TDRP: variants seen among roughly 807,000 people sequenced by gnomAD.
TDRP encodes the protein testis development-related protein.
In TDRP, 12 loss-of-function variants were observed where a neutral mutation model predicts 10.5. The observed-to-expected ratio is 1.15, with a 90% CI of 0.73 to 1.86. The LOEUF (loss-of-function observed/expected upper bound fraction) is 1.86, where lower values mean the gene tolerates loss of function less well. TDRP is among the 40% of genes most tolerant of loss of function. The pLI is 0.00. For missense variants in TDRP, 353 were observed against 229.2 expected, an observed-to-expected ratio of 1.54 and a Z score of -3.49; for synonymous variants, 139 against 95.4, an observed-to-expected ratio of 1.46 and a Z score of -2.67.
chr8:518,147 G>A (rs535957190), intron 1 of TDRP, among the ~76,000 whole-genome samples: 6 of 152,254 alleles, frequency 3.9e-5, no homozygotes, highest in African/African-American at 7.2e-5. Context: ...ATGTATGTTC[G>A]TCAATTTTAA....
At chr8:508,767 C>G (rs1371393480) in intron 1 of TDRP, among the ~76,000 whole-genome samples, 1 of 152,164 alleles carries the variant, frequency 6.6e-6, no homozygotes, top group Non-Finnish European at 1.5e-5. Flanking sequence ...CTCAACAGTT[C>G]CCCAAAGTCT....
chr8:505,735 T>G (rs953812824), intron 1 of TDRP, among the ~76,000 whole-genome samples: 1 of 152,196 alleles, frequency 6.6e-6, no homozygotes, highest in African/African-American at 2.4e-5. Flanking sequence ...AGCCCAGGCT[T>G]GTGTATACCA....
chr8:494,230 G>A (rs1250702833), intron 2 of TDRP, among the ~76,000 whole-genome samples: 2 of 151,846 alleles, frequency 1.3e-5, no homozygotes, highest in African/African-American at 2.4e-5. Flanking sequence ...CAAAGTGCTG[G>A]GATTACAGGC....
At chr8:494,365 C>T in intron 2 of TDRP, 129 bp downstream of exon 2, 1 of 784,116 alleles carries the variant, frequency 1.3e-6, no homozygotes, top group Non-Finnish European at 2.1e-6. Flanking sequence ...GGGAGGGAAA[C>T]ATGGACTCGC....
At chr8:508,091 A>G (rs1234371341) in intron 1 of TDRP, among the ~76,000 whole-genome samples, 1 of 152,178 alleles carries the variant, frequency 6.6e-6, no homozygotes, top group Admixed American at 6.5e-5. Flanking sequence ...TAACAAAGCT[A>G]AAGGAAAGTA....
chr8:493,927 C>T (rs1442920088), intron 2 of TDRP, among the ~76,000 whole-genome samples: 1 of 151,646 alleles, frequency 6.6e-6, no homozygotes, highest in East Asian at 1.9e-4. Flanking sequence ...AACAGAGACC[C>T]TCAGGACCTT....
At chr8:499,505 C>T (rs935560823) in intron 1 of TDRP, among the ~76,000 whole-genome samples, 1 of 152,182 alleles carries the variant, frequency 6.6e-6, no homozygotes, top group Non-Finnish European at 1.5e-5. Context: ...CACCAGCTTC[C>T]TGAGCCCCTG....
chr8:530,187 T>G (rs1391717178), intron 1 of TDRP, among the ~76,000 whole-genome samples: 5 of 149,456 alleles, frequency 3.3e-5, no homozygotes, highest in Non-Finnish European at 7.4e-5. Flanking sequence ...GCAGAATTTG[T>G]ATGGTTCTTT....
At chr8:499,217 AAAC>A (rs1231895989) in intron 1 of TDRP, among the ~76,000 whole-genome samples, 2 of 151,126 alleles carry the variant, frequency 1.3e-5, no homozygotes, top group African/African-American at 2.5e-5. Flanking sequence ...TATGAACTTC[AAAC>A]AACGTTTTTG....
chr8:529,877 T>G (rs1802141513), intron 1 of TDRP, among the ~76,000 whole-genome samples: 1 of 152,188 alleles, frequency 6.6e-6, no homozygotes, highest in South Asian at 2.1e-4. Flanking sequence ...GGTTTCTTCC[T>G]ACATGGAGTC....
chr8:541,452 C>A (rs1314717172), intron 1 of TDRP, among the ~76,000 whole-genome samples: 1 of 152,184 alleles, frequency 6.6e-6, no homozygotes, highest in Non-Finnish European at 1.5e-5. Flanking sequence ...CTGAAAAAGA[C>A]ACTGTCAAGA....
intron 1 of TDRP, among the ~76,000 whole-genome samples, chr8:510,037 C>T (rs1303762562): frequency 2.0e-5 from 3 of 152,136 alleles, no homozygotes; most frequent in Admixed American, 6.5e-5. Context: ...GATGTGACCT[C>T]CAGGAGGAAG....
At chr8:503,552 C>A (rs1196731027) in intron 1 of TDRP, among the ~76,000 whole-genome samples, 1 of 147,158 alleles carries the variant, frequency 6.8e-6, no homozygotes, top group Non-Finnish European at 1.5e-5. Context: ...CCAATGCCCA[C>A]TCACCATGCA....
chr8:500,943 A>G (rs1365439183), intron 1 of TDRP, among the ~76,000 whole-genome samples: 1 of 152,334 alleles, frequency 6.6e-6, no homozygotes, highest in East Asian at 1.9e-4. Context: ...GCGGTGTCTC[A>G]CACCTGTAAT....
chr8:499,210 G>T lies in TDRP; in HGVS notation c.109-4613C>A, dbSNP rs533333581. ...GCCAAAAAAATAGTCTCTAGTTTAT[G>T]AACTTCAAACAACGTTTTTGTTTTG... On this transcript the variant is annotated intron_variant, in intron 1 of 2. Transcript: ENST00000324079. Among the ~76,000 whole-genome samples, 17 of 151,898 alleles carry T rather than the reference G, an allele frequency of 1.1e-4. No individual in the cohort carries two copies. In the South Asian group the frequency reaches 3.3e-3, roughly 30 times the overall value.
chr8:497,665 A>C (rs1179934329), intron 1 of TDRP, among the ~76,000 whole-genome samples: 1 of 152,252 alleles, frequency 6.6e-6, no homozygotes, highest in Non-Finnish European at 1.5e-5. Flanking sequence ...TAAGTAAAGA[A>C]GAGCCAATGT....
chr8:537,421 G>C (rs952189567), intron 1 of TDRP, among the ~76,000 whole-genome samples: 1 of 152,208 alleles, frequency 6.6e-6, no homozygotes, highest in African/African-American at 2.4e-5. Flanking sequence ...TCCTAAGTCA[G>C]TAAAAAGCAT....
chr8:521,424 A>C (rs898021553), intron 1 of TDRP, among the ~76,000 whole-genome samples: 3 of 152,218 alleles, frequency 2.0e-5, no homozygotes, highest in Non-Finnish European at 4.4e-5. Context: ...CCCAAAAAAC[A>C]AAAAAAGATA....
At chr8:537,387 A>C (rs1453868041) in intron 1 of TDRP, among the ~76,000 whole-genome samples, 1 of 152,256 alleles carries the variant, frequency 6.6e-6, no homozygotes, top group Non-Finnish European at 1.5e-5. Flanking sequence ...CACATTCCAG[A>C]GCAAGGGATA....
Sources: allele counts gnomAD v4.1 joint callset (sites outside exome capture counted in the v4.1 genomes callset), GRCh38; gene constraint gnomAD v4.1.1; transcripts MANE v1.5; gene names NCBI Gene and HGNC (gene_info 2026-07-23, HGNC 2026-07-21).